The following AFF2 variants were observed in gnomAD, a reference collection of about 807,000 sequenced individuals.
The protein encoded by AFF2 is AF4/FMR2 family member 2.
Under a neutral mutation model 76.9 loss-of-function variants are expected in AFF2, and 14 were observed. The observed-to-expected ratio is 0.18, with a 90% CI of 0.12 to 0.28. AFF2 has a LOEUF of 0.28. AFF2 is among the 10% of genes least tolerant of loss of function. The probability of loss-of-function intolerance (pLI) is 1.00; values close to 1 mark genes in which losing one functional copy is unlikely to be tolerated. For synonymous variants in AFF2, 398 were observed against 366.7 expected, an observed-to-expected ratio of 1.09 and a Z score of -0.98; for missense variants, 868 against 1,001.1, an observed-to-expected ratio of 0.87 and a Z score of 1.79.
chrX:148,647,847 G>T (rs1164293736), intron 1 of AFF2, among the ~76,000 whole-genome samples: 5 of 110,984 alleles, frequency 4.5e-5, no homozygotes, highest in African/African-American at 1.6e-4. Context: ...CTCTCTTCCT[G>T]TTATAAACAG....
chrX:148,760,707 A>G (rs1243198313), intron 3 of AFF2, among the ~76,000 whole-genome samples: 1 of 112,342 alleles, frequency 8.9e-6, no homozygotes, highest in Non-Finnish European at 1.9e-5. Context: ...GCTGAGGTAT[A>G]GAAGTGCATG....
intron 1 of AFF2, among the ~76,000 whole-genome samples, chrX:148,542,098 T>C (rs1014037130): frequency 9.6e-4 from 106 of 110,215 alleles, no homozygotes; most frequent in African/African-American, 3.0e-3. Context: ...CTGTATTAAA[T>C]GTTTAAAAAT....
At position 148,958,377 on chromosome X, in the gene AFF2, G is replaced by T; in HGVS notation, c.2609G>T (p.Arg870Leu). ...GAGAAGATCCCTGAGAAGAAGCAGC[G>T]CCTGGAGGAGGCCACAACTATCTGC... The part of the protein sequence containing the change: ...VAEKIPEKKQ[R>L]LEEATTICLL... The change falls in exon 12 of 21, where the codon CGC (arginine) becomes CTC (leucine). Residue 870 changes from arginine to leucine, a missense_variant. This residue lies in a region of AFF2 where 532 missense variants were observed against 564.2 expected (regional missense o/e 0.94). Coordinates refer to ENST00000370460, the MANE Select transcript of AFF2 (RefSeq NM_002025.4). 8.3e-7 allele frequency: 1 copy of T among 1,210,873 alleles called. No homozygotes were observed. Among genetic ancestry groups the T allele is most frequent in the Non-Finnish European group, 1.1e-6 (1 of 894,976 alleles).
At position 148,956,325 on chromosome X, in the gene AFF2, G is replaced by A; in HGVS notation, c.2280G>A (p.Met760Ile). 8.3e-7 allele frequency: 1 copy of A among 1,211,797 alleles called. No homozygotes were observed. The highest frequency in any genetic ancestry group is 1.1e-6 in the Non-Finnish European group (1 of 895,534). Residue 760 changes from methionine to isoleucine, a missense_variant, in exon 11 of 21, where the codon ATG becomes ATA. Coordinates refer to ENST00000370460, the MANE Select transcript of AFF2 (RefSeq NM_002025.4). ...CGASLTLSTL[M>I]SSSGSNNNLS... Reference sequence around the variant, plus strand: ...CCAGCCTGACCCTCAGCACCTTAATGAGTAGCAGTGGCAGCAACAACAACT... The same window carrying A: ...CCAGCCTGACCCTCAGCACCTTAATAAGTAGCAGTGGCAGCAACAACAACT...
Position 148,722,661 on chromosome X carries a change from G to A in AFF2, c.1041+59893G>A, listed in dbSNP as rs139744121. Among the ~76,000 whole-genome samples the A allele has an allele frequency of 3.5e-3, 385 of 111,245 alleles. 2 individuals are homozygous for A. Among genetic ancestry groups the A allele is most frequent in the African/African-American group, 0.012 (373 of 30,620 alleles). On this transcript the variant is annotated intron_variant, in intron 3 of 20. Coordinates refer to ENST00000370460, the MANE Select transcript of AFF2 (RefSeq NM_002025.4). ...GCATATCTGAACATGTCAACACTCT[G>A]CTAAAAACTCCATCAATGATTGTCC...
intron 1 of AFF2, among the ~76,000 whole-genome samples, chrX:148,561,193 A>G (rs1185971763): frequency 8.9e-6 from 1 of 112,441 alleles, no homozygotes; most frequent in Non-Finnish European, 1.9e-5. Flanking sequence ...GAATAAATGA[A>G]CATAACATTT....
In AFF2 at chrX:148,713,548, A is replaced by C. The variant is rs139611946; in HGVS notation, c.1041+50780A>C. The stretch of plus-strand genomic sequence containing the variant: ...ATTTTACAGAAAATACCTTCAGCAT[A>C]GGATTTCCAGTACTTCCTATTTCAC... On this transcript the variant is annotated intron_variant, in intron 3 of 20. Coordinates refer to ENST00000370460, the MANE Select transcript of AFF2 (RefSeq NM_002025.4). Among the ~76,000 whole-genome samples the C allele has an allele frequency of 4.2e-3, 474 of 112,078 alleles. 1 individual carries two copies. Among genetic ancestry groups the C allele is most frequent in the African/African-American group, 0.015 (456 of 30,870 alleles).
chrX:148,832,118 G>A (rs1023856330), intron 4 of AFF2, among the ~76,000 whole-genome samples: 9 of 111,413 alleles, frequency 8.1e-5, no homozygotes, highest in Non-Finnish European at 1.5e-4. Context: ...TACCTTTTGG[G>A]AGTACACTAT....
At chrX:148,601,072 C>G (rs1190102431) in intron 1 of AFF2, among the ~76,000 whole-genome samples, 1 of 112,670 alleles carries the variant, frequency 8.9e-6, no homozygotes, top group Non-Finnish European at 1.9e-5. Context: ...ACATTTCATT[C>G]TGAGAGCGTT....
chrX:148,664,706 A>G (rs1226173087), intron 3 of AFF2, among the ~76,000 whole-genome samples: 1 of 112,792 alleles, frequency 8.9e-6, no homozygotes, highest in Non-Finnish European at 1.9e-5. Flanking sequence ...AGCACATAGT[A>G]GATACTCAAT....
At chrX:148,530,943 A>T (rs1339822623) in intron 1 of AFF2, among the ~76,000 whole-genome samples, 3 of 111,793 alleles carry the variant, frequency 2.7e-5, no homozygotes, top group African/African-American at 9.7e-5. Context: ...GGGACCAATG[A>T]TGAGGAAAAA....
At position 148,803,780 on chromosome X, in the gene AFF2, A is replaced by G. The variant is rs192812260; in HGVS notation, c.1042-6096A>G. Among the ~76,000 whole-genome samples, 22 of 111,021 alleles carry G rather than the reference A, an allele frequency of 2.0e-4. No homozygotes were observed. In the East Asian group the frequency reaches 6.0e-3, roughly 30 times the overall value. On this transcript the variant is annotated intron_variant, in intron 3 of 20. Transcript: ENST00000370460. ...TGCATTCCACCGTTGCCCATACCTA[A>G]TGTAATCACTGAAGAGATGTCCTCA... is the stretch of plus-strand genomic sequence containing the variant.
chrX:148,565,612 G>C (rs2053160764), intron 1 of AFF2, among the ~76,000 whole-genome samples: 1 of 110,768 alleles, frequency 9.0e-6, no homozygotes, highest in Admixed American at 9.7e-5. Flanking sequence ...AAACCTTAGG[G>C]GTACAAATAT....
intron 1 of AFF2, among the ~76,000 whole-genome samples, chrX:148,598,551 A>G (rs929501419): frequency 5.3e-5 from 6 of 112,270 alleles, no homozygotes; most frequent in Non-Finnish European, 9.4e-5. Context: ...ACTGCATGCC[A>G]TGGGAAACCA....
intron 1 of AFF2, among the ~76,000 whole-genome samples, chrX:148,617,765 C>T (rs987879468): frequency 8.9e-6 from 1 of 112,364 alleles, no homozygotes; most frequent in African/African-American, 3.2e-5. Flanking sequence ...GTGTAAGAAG[C>T]TCATACAAAA....
intron 3 of AFF2, among the ~76,000 whole-genome samples, chrX:148,730,780 C>T (rs1209057229): frequency 8.9e-6 from 1 of 112,302 alleles, no homozygotes; most frequent in African/African-American, 3.2e-5. Flanking sequence ...ACTAGTTCAC[C>T]AGGAAATTCA....
chrX:148,577,807 CT>C (rs1256941408), intron 1 of AFF2, among the ~76,000 whole-genome samples: 2 of 111,650 alleles, frequency 1.8e-5, no homozygotes, highest in African/African-American at 6.5e-5. Flanking sequence ...GCGGCATCAT[CT>C]TTTTTCCCCC....
At chrX:148,935,524 G>C (rs73614017) in intron 9 of AFF2, among the ~76,000 whole-genome samples, 5,214 of 110,511 alleles carry the variant, frequency 0.047, 303 homozygotes, top group African/African-American at 0.16. Flanking sequence ...TGTTATTAGT[G>C]CTCTTCACTC....
rs781931753 is a variant in AFF2 at position 148,842,905 on chromosome X, A to G, written c.1174-61A>G. ...CTATATCTTCAGCAATAATTAATAT[A>G]CCTCTTACTCTCCTTGTGTCATTTA... On this transcript the variant is annotated intron_variant, in intron 5 of 20. Transcript: ENST00000370460. The G allele has an allele frequency of 1.1e-5, 10 of 950,283 alleles. No individual in the cohort carries two copies. The African/African-American group carries it at 1.8e-4, about 17-fold the overall frequency. 78.3% of individuals were successfully genotyped at this position (950,283 alleles called of 1,213,427 possible). A position where few individuals can be genotyped will look rare whatever the true frequency, so the allele number is the denominator to read the frequency against.
Sources: gnomAD v4.1 joint callset for allele counts (sites outside exome capture counted in the v4.1 genomes callset) on GRCh38, gnomAD v4.1.1 for gene constraint, gnomAD v4.1.1 regional missense constraint, MANE v1.5 for transcripts, NCBI Gene and HGNC (gene_info 2026-07-23, HGNC 2026-07-21) for gene names.